TAF4: variants seen among roughly 807,000 people sequenced by gnomAD.
TAF4 encodes the protein transcription initiation factor TFIID subunit 4.
In TAF4, 9 loss-of-function variants were observed where a neutral mutation model predicts 90.3. That is an observed-to-expected ratio of 0.10 (90% CI 0.06 to 0.17). The LOEUF (loss-of-function observed/expected upper bound fraction) is 0.17. Among genes scored for constraint, TAF4 ranks in the 10% least tolerant of loss-of-function variants. The probability of loss-of-function intolerance (pLI) is 1.00; values close to 1 mark genes in which losing one functional copy is unlikely to be tolerated. For synonymous variants in TAF4, 818 were observed against 638.9 expected, an observed-to-expected ratio of 1.28 and a Z score of -4.23; for missense variants, 1,351 against 1,370.7, an observed-to-expected ratio of 0.99 and a Z score of 0.23.
At chr20:61,985,680 G>A (rs762520840) in intron 14 of TAF4, among the ~76,000 whole-genome samples, 31 of 151,146 alleles carry the variant, frequency 2.1e-4, no homozygotes, top group Non-Finnish European at 4.3e-4. Flanking sequence ...TGTAAGGCAC[G>A]AGGGAAGCTA....
At position 61,999,094 on chromosome 20, in the gene TAF4, A is replaced by G. The variant is rs1209952214; in HGVS notation, c.2802T>C (p.Tyr934=). The G allele has an allele frequency of 1.1e-5, 17 of 1,614,016 alleles. No individual in the cohort carries two copies. Among genetic ancestry groups the G allele is most frequent in the Admixed American group, 3.3e-5 (2 of 59,994 alleles). ...GTGCCCGGACGTCACTCGCCTGCTC[A>G]TATCTGTCGTCATCCTATGAAGAAA... ...KNFSYKDDDR[Y]EQASDVRAQL... Residue 934 remains tyrosine (Y), a synonymous_variant, in exon 12 of 15, where the codon TAT becomes TAC. Coordinates refer to ENST00000252996, the MANE Select transcript of TAF4 (RefSeq NM_003185.4).
At position 61,991,043 on chromosome 20, in the gene TAF4, ACT is replaced by A. The variant is rs2055628405; in HGVS notation, c.3090+6505_3090+6506del. ...ACCACAGAAGACCTCAGAAACACAT[ACT>A]CAAAACAGCAGGTAAACAGCAAATC... On this transcript the variant is annotated intron_variant, in intron 14 of 14. Coordinates refer to ENST00000252996, the MANE Select transcript of TAF4 (RefSeq NM_003185.4). Among the ~76,000 whole-genome samples, 4 of 152,126 alleles carry A rather than the reference ACT, an allele frequency of 2.6e-5. No homozygotes were observed. In the South Asian group the frequency reaches 8.3e-4, roughly 31 times the overall value.
chr20:62,019,481 T>C (rs1053513270), intron 1 of TAF4, among the ~76,000 whole-genome samples: 1 of 152,248 alleles, frequency 6.6e-6, no homozygotes, highest in South Asian at 2.1e-4. Flanking sequence ...GGTGAAAATG[T>C]AGGTTTTGAA....
In TAF4 at chr20:61,999,076, G is replaced by A; in HGVS notation, c.2820C>T (p.Val940=). Residue 940 remains valine (V), a synonymous_variant, in exon 12 of 15, where the codon GTC becomes GTT. Coordinates refer to ENST00000252996, the MANE Select transcript of TAF4 (RefSeq NM_003185.4). ...DDDRYEQASD[V]RAQLKFFEQL... ...GTTCAAAAAACTTGAGCTGTGCCCGGACGTCACTCGCCTGCTCATATCTGT... is the reference window on the plus strand; with the variant it reads ...GTTCAAAAAACTTGAGCTGTGCCCGAACGTCACTCGCCTGCTCATATCTGT... 1 of 1,614,124 alleles carries A rather than the reference G, an allele frequency of 6.2e-7. No individual in the cohort carries two copies. Among genetic ancestry groups the A allele is most frequent in the African/African-American group, 1.3e-5 (1 of 75,038 alleles).
chr20:62,019,380 G>A (rs1253363542), intron 1 of TAF4, among the ~76,000 whole-genome samples: 3 of 152,248 alleles, frequency 2.0e-5, no homozygotes, highest in Admixed American at 1.3e-4. Context: ...CTTCAGAAAC[G>A]TAACTGTCCG....
intron 1 of TAF4, among the ~76,000 whole-genome samples, chr20:62,052,763 T>G (rs1600863451): frequency 1.8e-5 from 1 of 54,270 alleles, no homozygotes; most frequent in East Asian, 5.6e-4. Context: ...ACACCCCGGG[T>G]CCCTCAAGCC....
chr20:62,020,496 T>C (rs1303166156), intron 1 of TAF4, among the ~76,000 whole-genome samples: 1 of 152,218 alleles, frequency 6.6e-6, no homozygotes, highest in East Asian at 1.9e-4. Flanking sequence ...AAACTCTTCA[T>C]TTAAAAGAAC....
At chr20:61,997,813 A>T in intron 13 of TAF4, 144 bp from the exon 14 acceptor site, 1 of 1,096,792 alleles carries the variant, frequency 9.1e-7, no homozygotes, top group Non-Finnish European at 1.2e-6. Context: ...AATAGTAAGC[A>T]TATTCTATAA....
At chr20:62,000,082 C>G in intron 11 of TAF4, 42 bp downstream of exon 11, 1 of 1,614,044 alleles carries the variant, frequency 6.2e-7, no homozygotes, top group Non-Finnish European at 8.5e-7. Flanking sequence ...AGAGTGGGGG[C>G]CAACAACATA....
rs776416382 is a variant in TAF4 at position 61,997,580 on chromosome 20, C to A, written c.3060G>T (p.Val1020=). 1.9e-6 allele frequency: 3 copies of A among 1,613,456 alleles called. No homozygotes were observed. The South Asian group carries it at 3.3e-5, about 18-fold the overall frequency. ...AAIGPRKKRK[V]DCPGPGSGAE... ...CTCCTGAGCCCGGCCCCGGACAGTC[C>A]ACTTTCCTCTTTTTCCTGGGCCCGA... is the stretch of plus-strand genomic sequence containing the variant. The change falls in exon 14 of 15, where the codon GTG becomes GTT. Residue 1020 remains valine, a synonymous_variant. Transcript: ENST00000252996.
chr20:62,005,632 C>T (rs2055739794), intron 7 of TAF4: 1 of 152,250 alleles, frequency 6.6e-6, no homozygotes, highest in African/African-American at 2.4e-5. Flanking sequence ...TACACAGGCG[C>T]TCAGCCCTTC....
chr20:61,988,184 T>A (rs1229317472), intron 14 of TAF4, among the ~76,000 whole-genome samples: 2 of 151,644 alleles, frequency 1.3e-5, no homozygotes, highest in African/African-American at 4.9e-5. Flanking sequence ...ACACCAAGAG[T>A]GCACCCTGAT....
intron 7 of TAF4, 131 bp from the exon 8 acceptor site, chr20:62,004,009 C>T (rs1381579819): frequency 8.7e-7 from 1 of 1,152,466 alleles, no homozygotes; most frequent in African/African-American, 1.6e-5. Flanking sequence ...TAGGAAGACC[C>T]CGTGTGCAGC....
intron 14 of TAF4, among the ~76,000 whole-genome samples, chr20:61,979,489 G>A (rs1294111186): frequency 2.7e-5 from 4 of 146,462 alleles, no homozygotes; most frequent in African/African-American, 5.1e-5. Context: ...GAGGGACTGC[G>A]GCCCGTGCAG....
chr20:62,003,028 A>C (rs1322156080), intron 9 of TAF4, 132 bp downstream of exon 9: 2 of 650,672 alleles, frequency 3.1e-6, no homozygotes, highest in Non-Finnish European at 5.3e-6. Flanking sequence ...GTGAGCGTGA[A>C]GCAGGAGCCT....
intron 1 of TAF4, among the ~76,000 whole-genome samples, chr20:62,040,748 G>A (rs1035961416): frequency 2.0e-5 from 3 of 152,326 alleles, no homozygotes; most frequent in African/African-American, 4.8e-5. Context: ...AACTAAATTC[G>A]CAGAGCCGCT....
intron 14 of TAF4, among the ~76,000 whole-genome samples, chr20:61,996,709 G>A (rs1418693419): frequency 4.7e-5 from 7 of 150,426 alleles, no homozygotes; most frequent in African/African-American, 2.5e-5. Context: ...TGAGGCAGGA[G>A]AACTGCTTGA....
rs575574967 is a variant in TAF4 at position 62,006,515 on chromosome 20, G to A, written c.2218C>T (p.Pro740Ser). 7.2e-6 allele frequency: 11 copies of A among 1,530,600 alleles called. No individual in the cohort carries two copies. In the South Asian group the frequency reaches 1.3e-4, roughly 19 times the overall value. 94.8% of individuals were successfully genotyped at this position (1,530,600 alleles called of 1,614,324 possible). Residue 740 changes from proline (P) to serine (S), a missense_variant, in exon 7 of 15, where the codon CCG (proline) becomes TCG (serine). Physicochemically the swap from Pro to Ser is moderately conservative, Grantham distance 74. Coordinates refer to ENST00000252996, the MANE Select transcript of TAF4 (RefSeq NM_003185.4). The surrounding 1 kb of genome is among the most constrained non-coding windows in gnomAD (Gnocchi z 7.0). ...VGVGKQGQPTPLVIQQPPKPG... is the reference protein window; with the variant it reads ...VGVGKQGQPTSLVIQQPPKPG... ...GTCAGGCGCCCCTTCCATACCAGCG[G>A]TGTGGGTTGCCCCTGCTTGCCGACG... is the stretch of plus-strand genomic sequence containing the variant.
In TAF4 at chr20:62,034,882, G is replaced by A. The variant is rs537987883; in HGVS notation, c.1361-20175C>T. On this transcript the variant is annotated intron_variant, in intron 1 of 14. Coordinates refer to ENST00000252996, the MANE Select transcript of TAF4 (RefSeq NM_003185.4). ...GTCACCCAGGCTGGAGTACAGTGGC[G>A]CAATCTCGGCTCACTGCAAGCTCCG... is the stretch of plus-strand genomic sequence containing the variant. 8.2e-4 allele frequency among the ~76,000 whole-genome samples: 124 copies of A among 150,586 alleles called. 2 individuals carry two copies. Among genetic ancestry groups the A allele is most frequent in the South Asian group, 4.0e-3 (19 of 4,764 alleles).
Sources: allele counts gnomAD v4.1 joint callset (sites outside exome capture counted in the v4.1 genomes callset), GRCh38; gene constraint gnomAD v4.1.1; non-coding constraint Gnocchi (gnomAD v3.1); transcripts MANE v1.5; gene names NCBI Gene and HGNC (gene_info 2026-07-23, HGNC 2026-07-21).